ZNF133: variants seen among roughly 807,000 people sequenced by gnomAD.
ZNF133 encodes zinc finger protein 133 (clone pHZ-13).
A neutral mutation model predicts 54.9 loss-of-function variants in ZNF133; 26 were observed. The ratio of observed to expected loss-of-function variants is 0.47; its 90% CI spans 0.35 to 0.66. The LOEUF is 0.66. ZNF133 is among the 30% of genes least tolerant of loss of function. ZNF133 has a pLI of 0.01. For synonymous variants in ZNF133, 298 were observed against 320.3 expected, an observed-to-expected ratio of 0.93 and a Z score of 0.74; for missense variants, 653 against 820.8, an observed-to-expected ratio of 0.80 and a Z score of 2.50.
chr20:18,310,086 A>C (rs1248013438), intron 6 of ZNF133: 15 of 1,187,690 alleles, frequency 1.3e-5, no homozygotes, highest in Non-Finnish European at 1.5e-5. Context: ...CATTTATATT[A>C]ATAACAAGCA....
At chr20:18,297,225 C>G (rs1173493433) in intron 1 of ZNF133, among the ~76,000 whole-genome samples, 3 of 151,956 alleles carry the variant, frequency 2.0e-5, no homozygotes, top group African/African-American at 7.3e-5. Context: ...TCACTTCATT[C>G]TCTTGTTTTC....
At chr20:18,288,863 G>A (rs1157710701) in intron 1 of ZNF133, among the ~76,000 whole-genome samples, 4 of 152,138 alleles carry the variant, frequency 2.6e-5, no homozygotes, top group African/African-American at 9.7e-5. Context: ...GGGGGATCGG[G>A]CTCTCTCTCC....
At chr20:18,297,549 T>G (rs1395916005) in intron 1 of ZNF133, among the ~76,000 whole-genome samples, 1 of 152,094 alleles carries the variant, frequency 6.6e-6, no homozygotes, top group Non-Finnish European at 1.5e-5. Flanking sequence ...TGGAATTTTC[T>G]TTAGTTGAAT....
Position 18,316,358 on chromosome 20 carries a change from T to G in ZNF133, c.1507T>G (p.Phe503Val). ...PMVCGECGRG[F>V]SQKSNLVAHQ... is the part of the protein sequence containing the mutation. The stretch of plus-strand genomic sequence containing the variant: ...GGTGTGTGGGGAGTGCGGGCGAGGC[T>G]TCAGCCAGAAGTCAAACCTTGTTGC... The change falls in exon 7 of 7, where the codon TTC becomes GTC. Residue 503 changes from phenylalanine to valine, a missense_variant. This residue lies in a region of ZNF133 where 292 missense variants were observed against 431.6 expected (regional missense o/e 0.68). Coordinates refer to ENST00000425686, the MANE Select transcript of ZNF133 (RefSeq NM_001352452.2). The G allele has an allele frequency of 6.2e-7, 1 of 1,614,080 alleles. No homozygotes were observed. Among genetic ancestry groups the G allele is most frequent in the Non-Finnish European group, 8.5e-7 (1 of 1,179,998 alleles).
rs2047593913 is a variant in ZNF133 at position 18,316,688 on chromosome 20, C to T, written c.1837C>T (p.Arg613Trp). The T allele has an allele frequency of 5.0e-6, 8 of 1,614,148 alleles. No homozygotes were observed. The East Asian group carries it at 1.3e-4, about 27-fold the overall frequency. The change falls in exon 7 of 7, where the codon CGG becomes TGG. Residue 613 changes from arginine to tryptophan, a missense_variant. Around this residue, in one of 4 missense-constraint regions of ZNF133, gnomAD observed 129 missense variants for 138.5 expected, o/e 0.93. Coordinates refer to ENST00000425686, the MANE Select transcript of ZNF133 (RefSeq NM_001352452.2). ...GCCATATGTGTGCAAGACGTGTGGG[C>T]GGGGCTTCAGCCTCAAGTCTCACCT... is the stretch of plus-strand genomic sequence containing the variant. Reference protein sequence around the residue: ...EKPYVCKTCGRGFSLKSHLSR... With the variant: ...EKPYVCKTCGWGFSLKSHLSR...
At position 18,315,386 on chromosome 20, in the gene ZNF133, A is replaced by T; in HGVS notation, c.535A>T (p.Asn179Tyr). ...PPQRQPVSSR[N>Y]GLRGVELEAS... is the part of the protein sequence containing the mutation. ...CCAGAGGCAGCCAGTCAGCTCTCGGAACGGCCTCAGAGGGGTGGAGTTAGA... is the reference window on the plus strand; with the variant it reads ...CCAGAGGCAGCCAGTCAGCTCTCGGTACGGCCTCAGAGGGGTGGAGTTAGA... Residue 179 changes from asparagine to tyrosine, a missense_variant, in exon 7 of 7, where the codon AAC (asparagine) becomes TAC (tyrosine). By Grantham distance (143) the Asn-to-Tyr change is moderately radical. Coordinates refer to ENST00000425686, the MANE Select transcript of ZNF133 (RefSeq NM_001352452.2). 6.2e-7 allele frequency: 1 copy of T among 1,614,192 alleles called. No individual in the cohort carries two copies. The highest frequency in any genetic ancestry group is 8.5e-7 in the Non-Finnish European group (1 of 1,180,038).
At chr20:18,292,083 G>A (rs564620181) in intron 1 of ZNF133, among the ~76,000 whole-genome samples, 6 of 152,156 alleles carry the variant, frequency 3.9e-5, no homozygotes, top group Middle Eastern at 3.4e-3. Flanking sequence ...TCCACACTAC[G>A]GAAATCTGGA....
chr20:18,307,088 C>G (rs888005711), intron 6 of ZNF133, among the ~76,000 whole-genome samples: 1 of 152,022 alleles, frequency 6.6e-6, no homozygotes, highest in African/African-American at 2.4e-5. Context: ...CTATAATTGT[C>G]ATTTGTATTA....
Position 18,316,511 on chromosome 20 carries a change from C to A in ZNF133, c.1660C>A (p.Gln554Lys). The A allele has an allele frequency of 3.1e-6, 5 of 1,614,194 alleles. No homozygotes were observed. The highest frequency in any genetic ancestry group is 4.2e-6 in the Non-Finnish European group (5 of 1,180,028). The change falls in exon 7 of 7, where the codon CAG becomes AAG. Residue 554 changes from glutamine to lysine, a missense_variant. Physicochemically the swap from Gln to Lys is moderately conservative, Grantham distance 53. Coordinates refer to ENST00000425686, the MANE Select transcript of ZNF133 (RefSeq NM_001352452.2). Reference sequence around the variant, plus strand: ...GAGGGAGAAGCCCTACATGTGCAGGCAGTGTGGACTGGGCTTTGGCAATAA... The same window carrying A: ...GAGGGAGAAGCCCTACATGTGCAGGAAGTGTGGACTGGGCTTTGGCAATAA... Reference protein sequence around the residue: ...HSREKPYMCRQCGLGFGNKSA... With the variant: ...HSREKPYMCRKCGLGFGNKSA...
intron 1 of ZNF133, among the ~76,000 whole-genome samples, chr20:18,294,068 T>A (rs73116209): frequency 0.072 from 10,973 of 152,192 alleles, 490 homozygotes; most frequent in Non-Finnish European, 0.089. Flanking sequence ...CCTCAAGATA[T>A]TTATTAATTA....
At chr20:18,296,563 A>G (rs2042271278) in intron 1 of ZNF133, among the ~76,000 whole-genome samples, 1 of 152,144 alleles carries the variant, frequency 6.6e-6, no homozygotes, top group Admixed American at 6.5e-5. Flanking sequence ...ACTTAGCACA[A>G]TGTCTTCTAG....
At chr20:18,311,755 G>A (rs1334855139) in intron 6 of ZNF133, among the ~76,000 whole-genome samples, 1 of 152,090 alleles carries the variant, frequency 6.6e-6, no homozygotes, top group African/African-American at 2.4e-5. Flanking sequence ...AACTTAATCA[G>A]TCTTAAGTTA....
intron 1 of ZNF133, 103 bp downstream of exon 1, chr20:18,288,707 C>A (rs746022868): frequency 1.3e-5 from 5 of 398,042 alleles, no homozygotes; most frequent in Admixed American, 4.4e-5. Flanking sequence ...GGGGACCGTG[C>A]GGGTGGCGCG....
At chr20:18,302,363 T>G (rs2043547250) in intron 3 of ZNF133, among the ~76,000 whole-genome samples, 1 of 147,476 alleles carries the variant, frequency 6.8e-6, no homozygotes, top group Non-Finnish European at 1.5e-5. Context: ...ACATCGTGCC[T>G]CTGCACTCCA....
rs1033545 is a variant in ZNF133 at position 18,315,428 on chromosome 20, T to A, written c.577T>A (p.Ser193Thr). The stretch of plus-strand genomic sequence containing the variant: ...GGAGTTAGAAGCCAGCCCAGCTCAG[T>A]CAGGGAACCCTGAGGAAACAGACAA... ...GVELEASPAQ[S>T]GNPEETDKLL... Residue 193 changes from serine to threonine, a missense_variant, in exon 7 of 7, where the codon TCA becomes ACA. Physicochemically the swap from Ser to Thr is moderately conservative, Grantham distance 58. Around this residue, in one of 4 missense-constraint regions of ZNF133, gnomAD observed 227 missense variants for 233.9 expected, o/e 0.97. Coordinates refer to ENST00000425686, the MANE Select transcript of ZNF133 (RefSeq NM_001352452.2). 0.99 allele frequency: 1,605,784 copies of A among 1,614,224 alleles called. 798,712 individuals are homozygous for A. Among genetic ancestry groups the A allele is most frequent in the East Asian group, 1 (44,868 of 44,868 alleles).
chr20:18,314,929 G>A lies in ZNF133; in HGVS notation c.218-140G>A, dbSNP rs75707130. 5.5e-3 allele frequency: 4,096 copies of A among 742,156 alleles called. 124 individuals are homozygous for A. In the African/African-American group the frequency reaches 0.062, roughly 11 times the overall value. 46.0% of individuals were successfully genotyped at this position (742,156 alleles called of 1,614,324 possible). A position where few individuals can be genotyped will look rare whatever the true frequency, so the allele number is the denominator to read the frequency against. ...AGACGTAATAAGTAGCAGTAGGCTG[G>A]AGAGTAGGCCATGTAAAGGAAGTCC... On this transcript the variant is annotated intron_variant, in intron 6 of 6. Transcript: ENST00000425686.
At position 18,298,410 on chromosome 20, in the gene ZNF133, A is replaced by G; in HGVS notation, c.-232A>G. On this transcript the variant is annotated 5_prime_UTR_variant, in exon 3 of 7. Transcript: ENST00000425686. ...GATCTATCAGGTGTACCTATTTTGG[A>G]ACTCTGGAGTCTAGTTGAAGGCCTC... The G allele has an allele frequency of 2.0e-6, 2 of 999,272 alleles. No homozygotes were observed. The highest frequency in any genetic ancestry group is 2.5e-6 in the Non-Finnish European group (2 of 812,926). 61.9% of individuals were successfully genotyped at this position (999,272 alleles called of 1,614,324 possible).
Position 18,297,961 on chromosome 20 carries a change from C to T in ZNF133, c.-431-24C>T. On this transcript the variant is annotated intron_variant, in intron 1 of 6. Transcript: ENST00000425686. ...GGAGAGCATTTCTACCTGACACCCT[C>T]CCATTTCTGTTTTCCTTACCCAGAT... 7 of 1,474,102 alleles carry T rather than the reference C, an allele frequency of 4.7e-6. No individual in the cohort carries two copies. The East Asian group carries it at 1.5e-4, about 31-fold the overall frequency. The allele number at this position is 1,474,102 out of a possible 1,614,324, so 91.3% of individuals were successfully genotyped here. A position where few individuals can be genotyped will look rare whatever the true frequency, so the allele number is the denominator to read the frequency against.
Position 18,316,410 on chromosome 20 carries a change from G to C in ZNF133, c.1559G>C (p.Arg520Thr). ...VAHQRTHSGE[R>T]PYVCRECGRG... ...CACCAGAGGACGCACTCAGGGGAGA[G>C]GCCGTATGTGTGCCGAGAGTGCGGG... is the stretch of plus-strand genomic sequence containing the variant. The change falls in exon 7 of 7, where the codon AGG becomes ACG. Residue 520 changes from arginine (R) to threonine (T), a missense_variant. Arg to Thr is a moderately conservative substitution (Grantham distance 71, BLOSUM62 -1). This residue lies in a region of ZNF133 where 292 missense variants were observed against 431.6 expected (regional missense o/e 0.68). Transcript: ENST00000425686. The C allele has an allele frequency of 6.2e-7, 1 of 1,612,404 alleles. No homozygotes were observed. The highest frequency in any genetic ancestry group is 8.5e-7 in the Non-Finnish European group (1 of 1,179,458).
Sources: allele counts gnomAD v4.1 joint callset (sites outside exome capture counted in the v4.1 genomes callset), GRCh38; gene constraint gnomAD v4.1.1; regional missense constraint gnomAD v4.1.1; transcripts MANE v1.5; gene names NCBI Gene and HGNC (gene_info 2026-07-23, HGNC 2026-07-21).